SNCAIP: variants seen among roughly 807,000 people sequenced by gnomAD.
SNCAIP encodes the protein synuclein alpha interacting protein, also known as synphilin-1.
SNCAIP carries 43 observed loss-of-function variants against 86.7 expected under a neutral mutation model. That is an observed-to-expected ratio of 0.50 (90% CI 0.39 to 0.64). SNCAIP has a LOEUF of 0.64. SNCAIP is among the 30% of genes least tolerant of loss of function. The probability of loss-of-function intolerance (pLI) is 0.00; values close to 1 mark genes in which losing one functional copy is unlikely to be tolerated. For synonymous variants in SNCAIP, 417 were observed against 427.2 expected, an observed-to-expected ratio of 0.98 and a Z score of 0.29; for missense variants, 981 against 1,103.1, an observed-to-expected ratio of 0.89 and a Z score of 1.57.
At chr5:122,323,737 T>A (rs1753456827) in intron 1 of SNCAIP, among the ~76,000 whole-genome samples, 1 of 152,216 alleles carries the variant, frequency 6.6e-6, no homozygotes, top group Non-Finnish European at 1.5e-5. Flanking sequence ...GGCTAATTGA[T>A]GGCTTTGCAT....
chr5:122,422,998 G>T lies in SNCAIP; in HGVS notation c.261G>T (p.Glu87Asp), dbSNP rs372883371. 12 of 1,614,030 alleles carry T rather than the reference G, an allele frequency of 7.4e-6. No individual in the cohort carries two copies. In the African/African-American group the frequency reaches 9.3e-5, roughly 13 times the overall value. ...KRVSPLKHQPETLENNESDDQ... is the reference protein window; with the variant it reads ...KRVSPLKHQPDTLENNESDDQ... ...TTTCGCCACTGAAACATCAGCCAGA[G>T]ACTCTGGAGAACAATGAAAGTGATG... Residue 87 changes from glutamate to aspartate, a missense_variant, in exon 4 of 11, where the codon GAG (glutamate) becomes GAT (aspartate). Coordinates refer to ENST00000261368, the MANE Select transcript of SNCAIP (RefSeq NM_005460.4).
At chr5:122,351,214 T>G (rs986642012) in intron 1 of SNCAIP, among the ~76,000 whole-genome samples, 2 of 152,062 alleles carry the variant, frequency 1.3e-5, no homozygotes, top group Non-Finnish European at 2.9e-5. Context: ...CATTAATAGA[T>G]GTGCTTATTT....
intron 1 of SNCAIP, chr5:122,337,025 G>T (rs571536799): frequency 1.3e-5 from 2 of 152,186 alleles, no homozygotes; most frequent in African/African-American, 4.8e-5. Flanking sequence ...CCATTTAGTC[G>T]ATGAATTAAC....
At chr5:122,333,683 G>C (rs1755834832) in intron 1 of SNCAIP, among the ~76,000 whole-genome samples, 1 of 152,222 alleles carries the variant, frequency 6.6e-6, no homozygotes, top group African/African-American at 2.4e-5. Flanking sequence ...TTTCCCTTGA[G>C]TGCTTAAGCA....
At chr5:122,314,630 T>C (rs1024242978) in intron 1 of SNCAIP, among the ~76,000 whole-genome samples, 7 of 152,236 alleles carry the variant, frequency 4.6e-5, no homozygotes, top group Admixed American at 2.6e-4. Flanking sequence ...CAGGAAGTTA[T>C]TTATGGAAAA....
chr5:122,345,825 A>AT (rs60103149), intron 1 of SNCAIP, among the ~76,000 whole-genome samples: 6 of 150,826 alleles, frequency 4.0e-5, no homozygotes, highest in Non-Finnish European at 7.4e-5. Context: ...CGTGCCTGAC[A>AT]TTTTTTTTTA....
At chr5:122,439,842 C>G (rs1360683249) in intron 6 of SNCAIP, among the ~76,000 whole-genome samples, 2 of 152,160 alleles carry the variant, frequency 1.3e-5, no homozygotes, top group Non-Finnish European at 2.9e-5. Flanking sequence ...CCCCTGCTTT[C>G]TCCAAAGGCC....
At chr5:122,401,786 G>C in intron 2 of SNCAIP, among the ~76,000 whole-genome samples, 1 of 152,170 alleles carries the variant, frequency 6.6e-6, no homozygotes, top group East Asian at 1.9e-4. Context: ...TCCCACACCA[G>C]CCAGGTGCTG....
At chr5:122,381,874 C>G (rs555432048) in intron 1 of SNCAIP, among the ~76,000 whole-genome samples, 2 of 152,248 alleles carry the variant, frequency 1.3e-5, no homozygotes, top group South Asian at 4.2e-4. Flanking sequence ...TTGGCCCCCA[C>G]TCTCTTCTGG....
At chr5:122,341,089 G>A (rs1363453505) in intron 1 of SNCAIP, among the ~76,000 whole-genome samples, 2 of 152,172 alleles carry the variant, frequency 1.3e-5, no homozygotes, top group Non-Finnish European at 2.9e-5. Context: ...CCGTGAGGAA[G>A]GACATATTTA....
chr5:122,367,292 A>G (rs1260312044), intron 1 of SNCAIP, among the ~76,000 whole-genome samples: 1 of 152,196 alleles, frequency 6.6e-6, no homozygotes, highest in East Asian at 1.9e-4. Context: ...GTGTGATTGG[A>G]TTTAGTAATA....
At chr5:122,338,869 T>C (rs1379226126) in intron 1 of SNCAIP, among the ~76,000 whole-genome samples, 1 of 152,162 alleles carries the variant, frequency 6.6e-6, no homozygotes, top group Non-Finnish European at 1.5e-5. Context: ...CTGTAATTAA[T>C]ATATTAAGTC....
intron 1 of SNCAIP, among the ~76,000 whole-genome samples, chr5:122,379,461 G>C (rs1355082938): frequency 1.1e-4 from 13 of 121,820 alleles, no homozygotes; most frequent in African/African-American, 3.9e-4. Context: ...GGGTTTTCTA[G>C]ATATACAATC....
At chr5:122,363,788 C>CTATTTATTTATT (rs143825884) in intron 1 of SNCAIP, among the ~76,000 whole-genome samples, 2 of 142,842 alleles carry the variant, frequency 1.4e-5, no homozygotes, top group Admixed American at 7.0e-5. Context: ...TTATTGTCAA[C>CTATTTATTTATT]TATTTATTTA....
At chr5:122,321,789 T>G (rs774563927) in intron 1 of SNCAIP, 12 of 152,096 alleles carry the variant, frequency 7.9e-5, no homozygotes, top group African/African-American at 2.4e-4. Flanking sequence ...TGGAGTCAGA[T>G]TGAATGGACA....
intron 1 of SNCAIP, among the ~76,000 whole-genome samples, chr5:122,348,530 A>G (rs1759093711): frequency 6.6e-6 from 1 of 152,164 alleles, no homozygotes; most frequent in African/African-American, 2.4e-5. Flanking sequence ...TTTGGGGCTG[A>G]TTATAAGATG....
chr5:122,319,679 A>T (rs1190281995), intron 1 of SNCAIP, among the ~76,000 whole-genome samples: 1 of 152,166 alleles, frequency 6.6e-6, no homozygotes, highest in Non-Finnish European at 1.5e-5. Flanking sequence ...GACTCCTTGG[A>T]CTCCAGGTTA....
rs370046258 is a variant in SNCAIP, at chr5:122,450,984, A to C, written c.2137A>C (p.Ser713Arg). 1 of 1,614,212 alleles carries C rather than the reference A, an allele frequency of 6.2e-7. No individual in the cohort carries two copies. The highest frequency in any genetic ancestry group is 8.5e-7 in the Non-Finnish European group (1 of 1,180,036). Residue 713 changes from serine to arginine, a missense_variant, in exon 10 of 11, where the codon AGC (serine) becomes CGC (arginine). Ser to Arg is a moderately radical substitution (Grantham distance 110, BLOSUM62 -1). Coordinates refer to ENST00000261368, the MANE Select transcript of SNCAIP (RefSeq NM_005460.4). ...TGTAGAAAGCGTAGAGAGTATGGACAGCGCAGAAAGCCTGCACCTGATGAT... is the reference window on the plus strand; with the variant it reads ...TGTAGAAAGCGTAGAGAGTATGGACCGCGCAGAAAGCCTGCACCTGATGAT... ...PIVESVESMD[S>R]AESLHLMIKK...
intron 7 of SNCAIP, chr5:122,443,704 C>T (rs764585652): frequency 5.5e-5 from 25 of 454,840 alleles, no homozygotes; most frequent in South Asian, 2.8e-4. Context: ...AGAAAAAGTC[C>T]GGTATCTCTT....
Sources: gnomAD v4.1 joint callset for allele counts (sites outside exome capture counted in the v4.1 genomes callset) on GRCh38, gnomAD v4.1.1 for gene constraint, MANE v1.5 for transcripts, NCBI Gene and HGNC (gene_info 2026-07-23, HGNC 2026-07-21) for gene names.